The following RBFOX1 variants were observed in gnomAD, a reference collection of about 807,000 sequenced individuals.
RBFOX1 encodes the protein RNA binding fox-1 homolog 1, also known as RNA binding protein fox-1 homolog 1.
A neutral mutation model predicts 57.7 loss-of-function variants in RBFOX1; 8 were observed. The ratio of observed to expected loss-of-function variants is 0.14; its 90% CI spans 0.08 to 0.25. The LOEUF (loss-of-function observed/expected upper bound fraction) is 0.25. Among genes scored for constraint, RBFOX1 ranks in the 10% least tolerant of loss-of-function variants. The probability of loss-of-function intolerance (pLI) is 1.00; values close to 1 mark genes in which losing one functional copy is unlikely to be tolerated. For missense variants in RBFOX1, 611 were observed against 548.5 expected (o/e 1.11, Z -1.14); for synonymous variants, 326 against 222.4 (o/e 1.47, Z -4.15).
intron 3 of RBFOX1, among the ~76,000 whole-genome samples, chr16:6,669,601 C>G (rs1438370962): frequency 6.6e-6 from 1 of 152,106 alleles, no homozygotes. Flanking sequence ...TGAATTAACA[C>G]ATCTATCACC....
At chr16:5,648,107 G>A (rs945338385) in intron 3 of RBFOX1, among the ~76,000 whole-genome samples, 22 of 152,152 alleles carry the variant, frequency 1.4e-4, no homozygotes, top group African/African-American at 5.3e-4. Flanking sequence ...TGATCAGCCT[G>A]CCTCTACCTC....
intron 1 of RBFOX1, among the ~76,000 whole-genome samples, chr16:5,390,215 A>G (rs779396063): frequency 6.6e-6 from 1 of 151,896 alleles, no homozygotes; most frequent in Non-Finnish European, 1.5e-5. Flanking sequence ...TATAGTGTTT[A>G]TATGATATGC....
At chr16:7,267,824 C>G (rs1055860697) in intron 4 of RBFOX1, among the ~76,000 whole-genome samples, 7 of 152,122 alleles carry the variant, frequency 4.6e-5, no homozygotes, top group Non-Finnish European at 2.9e-5. Flanking sequence ...CCACTGCACT[C>G]CAGCCGGGGC....
intron 3 of RBFOX1, among the ~76,000 whole-genome samples, chr16:6,918,948 C>T (rs764933844): frequency 4.6e-5 from 7 of 152,046 alleles, no homozygotes; most frequent in African/African-American, 9.7e-5. Context: ...ATTTCAAACA[C>T]CATTTCTCCA....
At chr16:7,483,652 T>C (rs2064598403) in intron 4 of RBFOX1, among the ~76,000 whole-genome samples, 1 of 152,168 alleles carries the variant, frequency 6.6e-6, no homozygotes. Flanking sequence ...TGCTTATTTA[T>C]CTTATAGGTT....
chr16:7,003,232 G>A (rs191904878), intron 3 of RBFOX1, among the ~76,000 whole-genome samples: 1,751 of 152,122 alleles, frequency 0.012, 14 homozygotes, highest in Non-Finnish European at 0.018. Flanking sequence ...AGGCCGAGGT[G>A]GGTGGATCAC....
chr16:6,796,817 T>C (rs1414433163), intron 3 of RBFOX1, among the ~76,000 whole-genome samples: 1 of 152,314 alleles, frequency 6.6e-6, no homozygotes, highest in South Asian at 2.1e-4. Context: ...ATCTACATTG[T>C]TTCTTTGATA....
At chr16:6,344,165 T>G (rs1016063780) in intron 2 of RBFOX1, among the ~76,000 whole-genome samples, 1 of 152,054 alleles carries the variant, frequency 6.6e-6, no homozygotes, top group Admixed American at 6.6e-5. Flanking sequence ...GTTCAAATGA[T>G]TCTCATGCCT....
chr16:5,273,416 A>G (rs187609607), intron 1 of RBFOX1, among the ~76,000 whole-genome samples: 32 of 152,244 alleles, frequency 2.1e-4, no homozygotes, highest in African/African-American at 6.7e-4. Context: ...CTTGGAAAAG[A>G]GAGTCTAGTT....
chr16:6,864,006 T>G (rs1279778898), intron 3 of RBFOX1, among the ~76,000 whole-genome samples: 2 of 129,906 alleles, frequency 1.5e-5, no homozygotes, highest in Admixed American at 7.8e-5. Flanking sequence ...TTTTTTTTTG[T>G]TGAGATTATG....
chr16:6,961,917 G>C (rs796443824), intron 3 of RBFOX1, among the ~76,000 whole-genome samples: 3 of 152,128 alleles, frequency 2.0e-5, no homozygotes, highest in Non-Finnish European at 4.4e-5. Context: ...TATCAGCAGG[G>C]TCTTTATGAG....
intron 1 of RBFOX1, among the ~76,000 whole-genome samples, chr16:5,414,631 A>G (rs755928434): frequency 6.6e-6 from 1 of 152,196 alleles, no homozygotes; most frequent in Non-Finnish European, 1.5e-5. Flanking sequence ...CTGGACCTCC[A>G]TGGCTTCTCC....
intron 10 of RBFOX1, among the ~76,000 whole-genome samples, chr16:7,609,074 A>C (rs1473376380): frequency 6.6e-6 from 1 of 152,222 alleles, no homozygotes; most frequent in African/African-American, 2.4e-5. Flanking sequence ...AAATACTCCA[A>C]ATGGTTGAAA....
intron 2 of RBFOX1, among the ~76,000 whole-genome samples, chr16:6,578,027 T>C (rs1274016749): frequency 6.6e-6 from 1 of 152,232 alleles, no homozygotes; most frequent in Non-Finnish European, 1.5e-5. Flanking sequence ...GCTTATTTCA[T>C]TGAAGAGCCA....
In RBFOX1 at chr16:7,501,153, G is replaced by A. The variant is rs532463743; in HGVS notation, c.28-16994G>A. Among the ~76,000 whole-genome samples the A allele has an allele frequency of 6.6e-5, 10 of 152,280 alleles. 1 individual carries two copies. The South Asian group carries it at 1.9e-3, about 28-fold the overall frequency. On this transcript the variant is annotated intron_variant, in intron 4 of 15. Transcript: ENST00000550418. The stretch of plus-strand genomic sequence containing the variant: ...TGTGAGAACAGACTAATATAACCCA[G>A]CTGAGATATTTTGATGATGGTGATG...
intron 2 of RBFOX1, among the ~76,000 whole-genome samples, chr16:5,577,921 G>A (rs544653363): frequency 2.3e-3 from 348 of 152,274 alleles, no homozygotes; most frequent in African/African-American, 8.1e-3. Flanking sequence ...TCAAATTTAA[G>A]AAGGAAATTA....
intron 3 of RBFOX1, among the ~76,000 whole-genome samples, chr16:6,884,727 A>G (rs979634450): frequency 6.6e-6 from 1 of 152,098 alleles, no homozygotes; most frequent in African/African-American, 2.4e-5. Context: ...ACGAAACCCC[A>G]TCTGTACTAA....
At chr16:5,564,808 G>C (rs114378673) in intron 2 of RBFOX1, among the ~76,000 whole-genome samples, 10 of 152,096 alleles carry the variant, frequency 6.6e-5, no homozygotes, top group Non-Finnish European at 1.2e-4. Context: ...CAGTTTTCAC[G>C]GTTCTCCAGC....
At chr16:5,562,065 C>T (rs941806830) in intron 2 of RBFOX1, among the ~76,000 whole-genome samples, 5 of 152,118 alleles carry the variant, frequency 3.3e-5, no homozygotes, top group Admixed American at 6.5e-5. Context: ...CAGGGTGAGA[C>T]GCTTTGAAAT....
Sources: allele counts gnomAD v4.1 joint callset (sites outside exome capture counted in the v4.1 genomes callset), GRCh38; gene constraint gnomAD v4.1.1; transcripts MANE v1.5; gene names NCBI Gene and HGNC (gene_info 2026-07-23, HGNC 2026-07-21).